MAP4K3: variants seen among roughly 807,000 people sequenced by gnomAD.
MAP4K3 encodes mitogen-activated protein kinase kinase kinase kinase 3.
MAP4K3 carries 94 observed loss-of-function variants against 143.5 expected under a neutral mutation model. That is an observed-to-expected ratio of 0.65 (90% CI 0.55 to 0.78). MAP4K3 has a LOEUF of 0.78. Ranked by LOEUF, MAP4K3 falls within the 30% of genes least tolerant of loss-of-function variation. The pLI, the probability that MAP4K3 is intolerant of heterozygous loss-of-function variation, is 0.00. For synonymous variants in MAP4K3, 416 were observed against 347.2 expected (o/e 1.20, Z -2.20); for missense variants, 1,077 against 1,068.1 (o/e 1.01, Z -0.12).
chr2:39,387,047 C>T (rs1666524797), intron 1 of MAP4K3, among the ~76,000 whole-genome samples: 1 of 152,164 alleles, frequency 6.6e-6, no homozygotes, highest in Admixed American at 6.5e-5. Context: ...CTCCTGACCT[C>T]AAGTGATCTA....
intron 3 of MAP4K3, among the ~76,000 whole-genome samples, chr2:39,351,528 T>TCGTA (rs10669578): frequency 0.88 from 134,108 of 151,972 alleles, 59,360 homozygotes; most frequent in Non-Finnish European, 0.91. Flanking sequence ...TTAGATATCT[T>TCGTA]TCTGTGGAAA....
intron 3 of MAP4K3, among the ~76,000 whole-genome samples, chr2:39,345,769 G>A (rs1370885043): frequency 6.6e-6 from 1 of 151,458 alleles, no homozygotes; most frequent in African/African-American, 2.4e-5. Flanking sequence ...AATACAAGAA[G>A]AAATTAGCCA....
At chr2:39,414,887 A>G (rs902632011) in intron 1 of MAP4K3, among the ~76,000 whole-genome samples, 1 of 152,176 alleles carries the variant, frequency 6.6e-6, no homozygotes, top group Admixed American at 6.5e-5. Flanking sequence ...AAAAAAAAAA[A>G]AGAGTATGTA....
chr2:39,251,100 G>C (rs148570825), intron 33 of MAP4K3, among the ~76,000 whole-genome samples: 1 of 152,242 alleles, frequency 6.6e-6, no homozygotes, highest in Non-Finnish European at 1.5e-5. Flanking sequence ...CTGGTATTCA[G>C]TGAAAGACTG....
intron 13 of MAP4K3, among the ~76,000 whole-genome samples, chr2:39,311,072 A>G (rs1682921350): frequency 6.6e-6 from 1 of 152,250 alleles, no homozygotes; most frequent in African/African-American, 2.4e-5. Context: ...AAACAGAGAC[A>G]ATCTTTTTTT....
In MAP4K3 at chr2:39,343,381, G is replaced by T. The variant is rs1289236845; in HGVS notation, c.310+7C>A. 1 of 1,606,976 alleles carries T rather than the reference G, an allele frequency of 6.2e-7. No individual in the cohort carries two copies. The highest frequency in any genetic ancestry group is 1.3e-5 in the African/African-American group (1 of 74,654). On this transcript the variant is annotated splice_region_variant and intron_variant, in intron 4 of 33. Coordinates refer to ENST00000263881, the MANE Select transcript of MAP4K3 (RefSeq NM_003618.4). ...TAACCCCTATAAAAATACAACTTTGGTCTTACCGTGATAAATATCCTGTAA... is the reference window on the plus strand; with the variant it reads ...TAACCCCTATAAAAATACAACTTTGTTCTTACCGTGATAAATATCCTGTAA...
intron 1 of MAP4K3, among the ~76,000 whole-genome samples, chr2:39,399,789 C>G (rs570047856): frequency 9.9e-5 from 15 of 152,276 alleles, no homozygotes; most frequent in African/African-American, 3.4e-4. Flanking sequence ...GCTCCTGTTA[C>G]AAGCATACAT....
chr2:39,350,797 G>T (rs1665432365), intron 3 of MAP4K3, among the ~76,000 whole-genome samples: 1 of 151,978 alleles, frequency 6.6e-6, no homozygotes, highest in Non-Finnish European at 1.5e-5. Flanking sequence ...AGTCCCTTAG[G>T]TCCTAATTAA....
At chr2:39,404,064 T>C (rs1230230455) in intron 1 of MAP4K3, among the ~76,000 whole-genome samples, 1 of 151,922 alleles carries the variant, frequency 6.6e-6, no homozygotes, top group Non-Finnish European at 1.5e-5. Flanking sequence ...GGGCCCTGAA[T>C]AACCAGCAGC....
intron 12 of MAP4K3, among the ~76,000 whole-genome samples, chr2:39,320,795 C>A (rs1683276054): frequency 1.3e-5 from 2 of 152,150 alleles, no homozygotes; most frequent in Admixed American, 1.3e-4. Flanking sequence ...ATAGCTTCCT[C>A]TGTGGGTGAA....
chr2:39,292,744 T>C (rs1682100526), intron 18 of MAP4K3, 29 bp downstream of exon 18: 1 of 1,600,472 alleles, frequency 6.2e-7, no homozygotes, highest in Non-Finnish European at 8.6e-7. Flanking sequence ...ACACCTTTTC[T>C]TTTTACCAAA....
rs553894572 is a variant in MAP4K3, at chr2:39,318,656, G to A, written c.919-3268C>T. Among the ~76,000 whole-genome samples the A allele has an allele frequency of 6.6e-5, 10 of 151,938 alleles. No homozygotes were observed. The South Asian group carries it at 2.1e-3, about 32-fold the overall frequency. The stretch of plus-strand genomic sequence containing the variant: ...AAACAAGCCATTCACAATGATGCAT[G>A]GTGTCTATTTTTTTTAAACAATGCT... On this transcript the variant is annotated intron_variant, in intron 12 of 33. Transcript: ENST00000263881.
intron 3 of MAP4K3, among the ~76,000 whole-genome samples, chr2:39,350,145 G>A (rs923441931): frequency 6.6e-5 from 10 of 152,144 alleles, no homozygotes; most frequent in African/African-American, 2.4e-4. Context: ...AAAAGTATCT[G>A]GCCTTAAGTG....
intron 3 of MAP4K3, among the ~76,000 whole-genome samples, chr2:39,346,673 G>A (rs17023735): frequency 0.015 from 2,326 of 152,208 alleles, 59 homozygotes; most frequent in African/African-American, 0.053. Context: ...ACCTAAATCA[G>A]GAGTCCACCC....
At chr2:39,268,216 C>T (rs1396758557) in intron 26 of MAP4K3, among the ~76,000 whole-genome samples, 3 of 152,154 alleles carry the variant, frequency 2.0e-5, no homozygotes, top group Non-Finnish European at 4.4e-5. Context: ...AAAAACTACA[C>T]ATACACTCAA....
At position 39,292,846 on chromosome 2, in the gene MAP4K3, T is replaced by C. The variant is rs1418388141; in HGVS notation, c.1218-20A>G. 6 of 1,597,046 alleles carry C rather than the reference T, an allele frequency of 3.8e-6. No individual in the cohort carries two copies. Among genetic ancestry groups the C allele is most frequent in the Non-Finnish European group, 4.3e-6 (5 of 1,166,090 alleles). ...TGTCCTCTAAATAAAAAGGATAATG[T>C]CATTGTTATTAAATGGATTTTACCA... On this transcript the variant is annotated intron_variant, in intron 17 of 33. Transcript: ENST00000263881.
At chr2:39,351,073 G>C (rs1272903895) in intron 3 of MAP4K3, among the ~76,000 whole-genome samples, 3 of 152,158 alleles carry the variant, frequency 2.0e-5, no homozygotes, top group African/African-American at 7.2e-5. Context: ...TTAAACTGGA[G>C]GATGTGCATA....
At chr2:39,319,293 G>C (rs183103687) in intron 12 of MAP4K3, among the ~76,000 whole-genome samples, 1 of 150,942 alleles carries the variant, frequency 6.6e-6, no homozygotes, top group East Asian at 1.9e-4. Flanking sequence ...CCTAAAAATT[G>C]CTAGGAATTT....
intron 1 of MAP4K3, among the ~76,000 whole-genome samples, chr2:39,413,472 T>A (rs1264993056): frequency 1.3e-5 from 2 of 152,084 alleles, no homozygotes; most frequent in Non-Finnish European, 2.9e-5. Flanking sequence ...GATACTGGTA[T>A]TGCTGAGAAA....
Sources: allele counts gnomAD v4.1 joint callset (sites outside exome capture counted in the v4.1 genomes callset), GRCh38; gene constraint gnomAD v4.1.1; transcripts MANE v1.5; gene names NCBI Gene and HGNC (gene_info 2026-07-23, HGNC 2026-07-21).